The following ZNF521 variants were observed in gnomAD, a reference collection of about 807,000 sequenced individuals.
The protein encoded by ZNF521 is zinc finger protein 521.
In ZNF521, 14 loss-of-function variants were observed where a neutral mutation model predicts 105.5. The ratio of observed to expected loss-of-function variants is 0.13; its 90% CI spans 0.09 to 0.21. ZNF521 has a LOEUF of 0.21. Among genes scored for constraint, ZNF521 ranks in the 10% least tolerant of loss-of-function variants. The probability of loss-of-function intolerance (pLI) is 1.00; values close to 1 mark genes in which losing one functional copy is unlikely to be tolerated. For synonymous variants in ZNF521, 635 were observed against 606.0 expected (o/e 1.05, Z -0.70); for missense variants, 1,233 against 1,629.7 (o/e 0.76, Z 4.19).
intron 1 of ZNF521, 86 bp from the exon 2 acceptor site, chr18:25,351,033 G>GCCTCGCGCCCTCCGCTCGGCCTC (rs1034280459): frequency 4.2e-5 from 49 of 1,163,894 alleles, no homozygotes; most frequent in African/African-American, 3.3e-5. Flanking sequence ...GGGCCGCGGC[G>GCCTCGCGCCCTCCGCTCGGCCTC]CCTCGCGCCC....
rs181836879 is a variant in ZNF521, at chr18:25,196,923, C to T, written c.3574-1679G>A. Among the ~76,000 whole-genome samples the T allele has an allele frequency of 3.1e-3, 475 of 151,842 alleles. 2 individuals are homozygous for T. Among genetic ancestry groups the T allele is most frequent in the African/African-American group, 0.011 (449 of 41,496 alleles). ...AAGAAACATAAACTTAATGGCTAGT[C>T]TTTTCTCTTGTTAGCACAGTAAAAC... is the stretch of plus-strand genomic sequence containing the variant. On this transcript the variant is annotated intron_variant, in intron 4 of 7. Coordinates refer to ENST00000361524, the MANE Select transcript of ZNF521 (RefSeq NM_015461.3).
intron 7 of ZNF521, among the ~76,000 whole-genome samples, chr18:25,088,219 CTTTTT>C (rs549305074): frequency 1.6e-4 from 23 of 147,712 alleles, no homozygotes; most frequent in African/African-American, 5.0e-4. Flanking sequence ...CTTTTCTTTT[CTTTTT>C]TTTTTTTTTG....
At chr18:25,272,077 A>C (rs1461990611) in intron 3 of ZNF521, among the ~76,000 whole-genome samples, 1 of 152,176 alleles carries the variant, frequency 6.6e-6, no homozygotes, top group Non-Finnish European at 1.5e-5. Flanking sequence ...GAAAAAAACA[A>C]CCCCATCAAA....
chr18:25,111,812 G>A (rs1477397709), intron 5 of ZNF521, among the ~76,000 whole-genome samples: 1 of 152,188 alleles, frequency 6.6e-6, no homozygotes, highest in Non-Finnish European at 1.5e-5. Context: ...CCCAGTATCT[G>A]GCTGATCAGA....
rs1259991848 is a variant in ZNF521, at chr18:25,312,796, C to T, written c.220+9212G>A. Among the ~76,000 whole-genome samples, 7 of 132,024 alleles carry T rather than the reference C, an allele frequency of 5.3e-5. 2 individuals are homozygous for T. Among genetic ancestry groups the T allele is most frequent in the Non-Finnish European group, 9.3e-5 (6 of 64,290 alleles). The allele number at this position is 132,024 out of a possible 152,430, so 86.6% of individuals were successfully genotyped here. On this transcript the variant is annotated intron_variant, in intron 3 of 7. Coordinates refer to ENST00000361524, the MANE Select transcript of ZNF521 (RefSeq NM_015461.3). ...ACTGCACTCCGCAGTCCGACCTGGG[C>T]GACAGAGCGAGACTCCGTCTCAAAA... is the stretch of plus-strand genomic sequence containing the variant.
At chr18:25,101,694 A>T (rs980064424) in intron 5 of ZNF521, among the ~76,000 whole-genome samples, 7 of 152,186 alleles carry the variant, frequency 4.6e-5, no homozygotes, top group African/African-American at 1.7e-4. Context: ...AAGATGAAAG[A>T]AAATGTAGGT....
At chr18:25,327,182 T>G (rs1223062302) in intron 2 of ZNF521, among the ~76,000 whole-genome samples, 1 of 152,208 alleles carries the variant, frequency 6.6e-6, no homozygotes, top group Non-Finnish European at 1.5e-5. Flanking sequence ...GCCCGAGTTC[T>G]TTCTTTCAAG....
intron 5 of ZNF521, among the ~76,000 whole-genome samples, chr18:25,109,044 C>T (rs1252512705): frequency 6.6e-6 from 1 of 152,142 alleles, no homozygotes; most frequent in Non-Finnish European, 1.5e-5. Flanking sequence ...GATGTCCGTT[C>T]AGTGTACCCA....
Position 25,212,509 on chromosome 18 carries a change from C to CAA in ZNF521, c.3573+11834_3573+11835dup, listed in dbSNP as rs59178760. Among the ~76,000 whole-genome samples, 190 of 21,694 alleles carry CAA rather than the reference C, an allele frequency of 8.8e-3. 23 individuals carry two copies. The highest frequency in any genetic ancestry group is 0.01 in the Non-Finnish European group (133 of 13,018). The allele number at this position is 21,694 out of a possible 152,430, so 14.2% of individuals were successfully genotyped here. A position where few individuals can be genotyped will look rare whatever the true frequency, so the allele number is the denominator to read the frequency against. ...TGGGCAAAAGAGTGAGACTTAGTCT[C>CAA]AAAAAAAAAAAAAAAAAAAAAAAAA... On this transcript the variant is annotated intron_variant, in intron 4 of 7. Coordinates refer to ENST00000361524, the MANE Select transcript of ZNF521 (RefSeq NM_015461.3).
intron 5 of ZNF521, among the ~76,000 whole-genome samples, chr18:25,164,989 T>C (rs974547721): frequency 3.9e-5 from 6 of 152,224 alleles, no homozygotes; most frequent in Admixed American, 1.3e-4. Flanking sequence ...CCGAAAGATA[T>C]GACTTTCGTG....
chr18:25,103,441 C>T (rs995950974), intron 5 of ZNF521, among the ~76,000 whole-genome samples: 2 of 152,140 alleles, frequency 1.3e-5, no homozygotes, highest in African/African-American at 4.8e-5. Context: ...CTGGATCATT[C>T]CCCGATATAG....
intron 1 of ZNF521, 36 bp downstream of exon 1, chr18:25,351,942 GAGGAGAGCCGGGAGCAGGAGGAGGAGA>G (rs1914811046): frequency 3.2e-6 from 1 of 312,504 alleles, no homozygotes; most frequent in South Asian, 2.5e-5. Flanking sequence ...GGAGGAGGAG[GAGGAGAGCCGGGAGCAGGAGGAGGAGA>G]AGGAGTGTGC....
At chr18:25,245,056 A>C (rs1907609268) in intron 3 of ZNF521, among the ~76,000 whole-genome samples, 3 of 152,228 alleles carry the variant, frequency 2.0e-5, no homozygotes, top group African/African-American at 7.2e-5. Flanking sequence ...GGTGGTTTTG[A>C]AAATAGAGGA....
intron 3 of ZNF521, among the ~76,000 whole-genome samples, chr18:25,298,049 G>C (rs1911423525): frequency 6.6e-6 from 1 of 152,102 alleles, no homozygotes; most frequent in East Asian, 1.9e-4. Flanking sequence ...ACCTGCATTA[G>C]ATGAAAAGGT....
At chr18:25,304,506 A>C (rs1403672398) in intron 3 of ZNF521, among the ~76,000 whole-genome samples, 1 of 152,224 alleles carries the variant, frequency 6.6e-6, no homozygotes, top group Non-Finnish European at 1.5e-5. Context: ...CAGTGCCCCC[A>C]GAGAACTCTT....
intron 3 of ZNF521, among the ~76,000 whole-genome samples, chr18:25,293,652 C>G (rs577158571): frequency 6.6e-6 from 1 of 152,214 alleles, no homozygotes; most frequent in African/African-American, 2.4e-5. Context: ...TCGTTGGCTG[C>G]TTTGTTAGTG....
At chr18:25,223,160 C>T (rs1213451236) in intron 4 of ZNF521, among the ~76,000 whole-genome samples, 1 of 152,200 alleles carries the variant, frequency 6.6e-6, no homozygotes, top group Non-Finnish European at 1.5e-5. Flanking sequence ...AGCTATGAGC[C>T]ATAATCAAAG....
intron 3 of ZNF521, among the ~76,000 whole-genome samples, chr18:25,266,447 G>A (rs1028909796): frequency 5.9e-5 from 9 of 152,102 alleles, no homozygotes; most frequent in Non-Finnish European, 1.2e-4. Context: ...ACTATAAATC[G>A]GATTTGCTGG....
intron 5 of ZNF521, among the ~76,000 whole-genome samples, chr18:25,160,257 A>C (rs763599947): frequency 5.9e-5 from 9 of 152,332 alleles, no homozygotes; most frequent in Non-Finnish European, 1.2e-4. Flanking sequence ...CAGAGGATAG[A>C]ACAGTGCAGC....
Sources: gnomAD v4.1 joint callset for allele counts (sites outside exome capture counted in the v4.1 genomes callset) on GRCh38, gnomAD v4.1.1 for gene constraint, MANE v1.5 for transcripts, NCBI Gene and HGNC (gene_info 2026-07-23, HGNC 2026-07-21) for gene names.